SMOX: variants seen among roughly 807,000 people sequenced by gnomAD.
SMOX encodes the protein spermine oxidase.
SMOX carries 22 observed loss-of-function variants against 51.0 expected under a neutral mutation model. The ratio of observed to expected loss-of-function variants is 0.43; its 90% CI spans 0.31 to 0.62. The LOEUF is 0.62. Ranked by LOEUF, SMOX falls within the 20% of genes least tolerant of loss-of-function variation. The pLI is 0.10. For missense variants in SMOX, 566 were observed against 777.7 expected, an observed-to-expected ratio of 0.73 and a Z score of 3.24; for synonymous variants, 282 against 307.8, an observed-to-expected ratio of 0.92 and a Z score of 0.88.
chr20:4,161,984 G>A (rs6139337), intron 1 of SMOX, among the ~76,000 whole-genome samples: 13,546 of 152,114 alleles, frequency 0.089, 706 homozygotes, highest in South Asian at 0.21. Context: ...TCCCACTCAC[G>A]GCGGCAGCCA....
rs908000952 is a variant in SMOX at position 4,166,470 on chromosome 20, C to T, written c.-26-8560C>T. Among the ~76,000 whole-genome samples the T allele has an allele frequency of 6.6e-6, 1 of 152,164 alleles. No homozygotes were observed. Among genetic ancestry groups the T allele is most frequent in the Non-Finnish European group, 1.5e-5 (1 of 68,024 alleles). On this transcript the variant is annotated intron_variant, in intron 1 of 6. Coordinates refer to ENST00000305958, the MANE Select transcript of SMOX (RefSeq NM_175839.3). This position sits in a 1 kb window ranked among gnomAD's most constrained non-coding sequence, Gnocchi z 4.2. ...TGAAGCAATCCTCCTGCCTTGGCCTCCCAAAGTGCTGGAATTACAGGTGTG... is the reference window on the plus strand; with the variant it reads ...TGAAGCAATCCTCCTGCCTTGGCCTTCCAAAGTGCTGGAATTACAGGTGTG...
rs916099374 is a variant in SMOX, at chr20:4,177,255, G to T, written c.209-96G>T. 2.8e-6 allele frequency: 3 copies of T among 1,078,248 alleles called. No homozygotes were observed. Among genetic ancestry groups the T allele is most frequent in the Non-Finnish European group, 4.1e-6 (3 of 740,164 alleles). The allele number at this position is 1,078,248 out of a possible 1,614,324, so 66.8% of individuals were successfully genotyped here. On this transcript the variant is annotated intron_variant, in intron 2 of 6. Transcript: ENST00000305958. This position sits in a 1 kb window ranked among gnomAD's most constrained non-coding sequence, Gnocchi z 4.3. ...AAGCTCTTTCCTGCCCTGTTGTAGG[G>T]TGGAAAGACCCTCTTGGAGGAAGGA...
rs902671113 is a variant in SMOX, at chr20:4,181,428, G to T, written c.436-375G>T. Among the ~76,000 whole-genome samples, 2 of 152,202 alleles carry T rather than the reference G, an allele frequency of 1.3e-5. No homozygotes were observed. The highest frequency in any genetic ancestry group is 4.8e-5 in the African/African-American group (2 of 41,450). On this transcript the variant is annotated intron_variant, in intron 3 of 6. Transcript: ENST00000305958. This position sits in a 1 kb window ranked among gnomAD's most constrained non-coding sequence, Gnocchi z 5.6. ...AGTGCACGTATCGTTCTTGGAACAG[G>T]TAAATGTGTGCAAATGCCCATCCTC...
At chr20:4,151,828 C>T (rs942808578) in intron 1 of SMOX, among the ~76,000 whole-genome samples, 12 of 152,114 alleles carry the variant, frequency 7.9e-5, no homozygotes, top group South Asian at 2.1e-4. Flanking sequence ...TCTTAAGGGC[C>T]GGAACCTTGA....
chr20:4,149,887 G>A lies in SMOX; in HGVS notation c.-27+910G>A, dbSNP rs1219079471. ...GCAGTAGGTGCCCTGGGGTTACCGGGAGCGACGCGGGCCGGGGTGCCATGC... is the reference window on the plus strand; with the variant it reads ...GCAGTAGGTGCCCTGGGGTTACCGGAAGCGACGCGGGCCGGGGTGCCATGC... On this transcript the variant is annotated intron_variant, in intron 1 of 6. Transcript: ENST00000305958. This position sits in a 1 kb window ranked among gnomAD's most constrained non-coding sequence, Gnocchi z 6.0. Among the ~76,000 whole-genome samples, 1 of 152,058 alleles carries A rather than the reference G, an allele frequency of 6.6e-6. No individual in the cohort carries two copies. The highest frequency in any genetic ancestry group is 1.5e-5 in the Non-Finnish European group (1 of 67,990).
chr20:4,180,395 C>T (rs1398376247), intron 3 of SMOX, among the ~76,000 whole-genome samples: 3 of 152,168 alleles, frequency 2.0e-5, no homozygotes, highest in African/African-American at 7.2e-5. Context: ...GGGGACAGGG[C>T]AGACACCATT....
rs772579542 is a variant in SMOX at position 4,182,736 on chromosome 20, C to T, written c.1257C>T (p.Arg419=). ...CGFDVLYPPE[R]YGHVLSGWIC... ...TTGATGTCCTCTACCCGCCTGAGCG[C>T]TACGGCCATGTGCTGAGCGGCTGGA... The change falls in exon 5 of 7, where the codon CGC becomes CGT. Residue 419 remains arginine, a synonymous_variant. Coordinates refer to ENST00000305958, the MANE Select transcript of SMOX (RefSeq NM_175839.3). The surrounding 1 kb of genome is among the most constrained non-coding windows in gnomAD (Gnocchi z 8.4). 1 of 1,614,194 alleles carries T rather than the reference C, an allele frequency of 6.2e-7. No individual in the cohort carries two copies. The highest frequency in any genetic ancestry group is 8.5e-7 in the Non-Finnish European group (1 of 1,180,038).
At chr20:4,152,434 G>A (rs1985809124) in intron 1 of SMOX, among the ~76,000 whole-genome samples, 1 of 152,118 alleles carries the variant, frequency 6.6e-6, no homozygotes. Context: ...GTTAAATTGT[G>A]TGGCTGGTAC....
intron 1 of SMOX, among the ~76,000 whole-genome samples, chr20:4,152,203 G>A (rs1408387173): frequency 2.0e-5 from 3 of 152,180 alleles, no homozygotes; most frequent in Non-Finnish European, 4.4e-5. Context: ...TTCTTTGGTA[G>A]AAATGCAAGC....
chr20:4,177,254 G>C lies in SMOX; in HGVS notation c.209-97G>C. On this transcript the variant is annotated intron_variant, in intron 2 of 6. Transcript: ENST00000305958. This position sits in a 1 kb window ranked among gnomAD's most constrained non-coding sequence, Gnocchi z 4.3. Reference sequence around the variant, plus strand: ...CAAGCTCTTTCCTGCCCTGTTGTAGGGTGGAAAGACCCTCTTGGAGGAAGG... The same window carrying C: ...CAAGCTCTTTCCTGCCCTGTTGTAGCGTGGAAAGACCCTCTTGGAGGAAGG... The C allele has an allele frequency of 9.4e-7, 1 of 1,059,372 alleles. No individual in the cohort carries two copies. Among genetic ancestry groups the C allele is most frequent in the South Asian group, 1.5e-5 (1 of 65,072 alleles). The allele number at this position is 1,059,372 out of a possible 1,614,324, so 65.6% of individuals were successfully genotyped here.
rs1486461984 is a variant in SMOX at position 4,153,546 on chromosome 20, G to T, written c.-27+4569G>T. On this transcript the variant is annotated intron_variant, in intron 1 of 6. Transcript: ENST00000305958. The surrounding 1 kb of genome is among the most constrained non-coding windows in gnomAD (Gnocchi z 4.4). Reference sequence around the variant, plus strand: ...GGCCTCCCAGGGACCTGGCTGGCTGGCTGAGGAACGGTTTGCTGACCACAC... The same window carrying T: ...GGCCTCCCAGGGACCTGGCTGGCTGTCTGAGGAACGGTTTGCTGACCACAC... 6.6e-6 allele frequency among the ~76,000 whole-genome samples: 1 copy of T among 152,150 alleles called. No homozygotes were observed. The highest frequency in any genetic ancestry group is 1.5e-5 in the Non-Finnish European group (1 of 68,024).
At position 4,149,752 on chromosome 20, in the gene SMOX, C is replaced by G. The variant is rs76168434; in HGVS notation, c.-27+775C>G. ...GGGACTTGGCCCGATGAGATACGCT[C>G]GGTGCCCGGCACGTATAGTGAGAGG... On this transcript the variant is annotated intron_variant, in intron 1 of 6. Transcript: ENST00000305958. The surrounding 1 kb of genome is among the most constrained non-coding windows in gnomAD (Gnocchi z 6.0). Among the ~76,000 whole-genome samples, 14 of 152,256 alleles carry G rather than the reference C, an allele frequency of 9.2e-5. No homozygotes were observed. The East Asian group carries it at 2.7e-3, about 30-fold the overall frequency.
intron 1 of SMOX, among the ~76,000 whole-genome samples, chr20:4,165,831 G>T (rs1986548132): frequency 6.6e-6 from 1 of 152,202 alleles, no homozygotes; most frequent in African/African-American, 2.4e-5. Context: ...ATCTGGAGTG[G>T]CATAGTCCTC....
At chr20:4,184,990 G>A (rs1979625376) in intron 6 of SMOX, among the ~76,000 whole-genome samples, 1 of 152,202 alleles carries the variant, frequency 6.6e-6, no homozygotes, top group African/African-American at 2.4e-5. Flanking sequence ...TCTTAGGCTA[G>A]AAGGAAGAGG....
In SMOX at chr20:4,175,013, ACCT is replaced by A; in HGVS notation, c.-26-11_-26-9del. The A allele has an allele frequency of 6.2e-7, 1 of 1,608,742 alleles. No individual in the cohort carries two copies. The highest frequency in any genetic ancestry group is 8.5e-7 in the Non-Finnish European group (1 of 1,176,632). On this transcript the variant is annotated splice_polypyrimidine_tract_variant and intron_variant, in intron 1 of 6. Transcript: ENST00000305958. ...GAAGGCAGAGCCACTAAGCTGTGAC[ACCT>A]CCTCCCCCTGCAGGTTCCTAGAAGG...
Position 4,166,124 on chromosome 20 carries a change from G to A in SMOX, c.-26-8906G>A, listed in dbSNP as rs139233523. Among the ~76,000 whole-genome samples the A allele has an allele frequency of 6.6e-6, 1 of 151,314 alleles. No homozygotes were observed. The highest frequency in any genetic ancestry group is 1.5e-5 in the Non-Finnish European group (1 of 67,864). ...GCGCCTGATCTAATCTGTTGTCAGA[G>A]TGTGATCTATTGTCAGAGTGTGATC... is the stretch of plus-strand genomic sequence containing the variant. On this transcript the variant is annotated intron_variant, in intron 1 of 6. Transcript: ENST00000305958. This position sits in a 1 kb window ranked among gnomAD's most constrained non-coding sequence, Gnocchi z 4.2.
intron 1 of SMOX, among the ~76,000 whole-genome samples, chr20:4,158,252 A>G (rs1617572): frequency 0.57 from 86,370 of 151,864 alleles, 24,951 homozygotes; most frequent in African/African-American, 0.65. Flanking sequence ...GTGGGGCAAC[A>G]TTGGCCCTCC....
chr20:4,151,716 T>C lies in SMOX; in HGVS notation c.-27+2739T>C, dbSNP rs577431303. The stretch of plus-strand genomic sequence containing the variant: ...CAAATGCCTTCCCAGTCTTGGGAAG[T>C]CCCCCGTAATTAATCGTAGCACCTG... On this transcript the variant is annotated intron_variant, in intron 1 of 6. Transcript: ENST00000305958. Among the ~76,000 whole-genome samples the C allele has an allele frequency of 2.0e-5, 3 of 152,286 alleles. No homozygotes were observed. The South Asian group carries it at 6.2e-4, about 32-fold the overall frequency.
chr20:4,184,245 C>T (rs2122593094), intron 6 of SMOX, among the ~76,000 whole-genome samples: 1 of 151,914 alleles, frequency 6.6e-6, no homozygotes, highest in East Asian at 1.9e-4. Context: ...GTCCTCCCGC[C>T]TCAACCTCCT....
Sources: allele counts gnomAD v4.1 joint callset (sites outside exome capture counted in the v4.1 genomes callset), GRCh38; gene constraint gnomAD v4.1.1; non-coding constraint Gnocchi (gnomAD v3.1); transcripts MANE v1.5; gene names NCBI Gene and HGNC (gene_info 2026-07-23, HGNC 2026-07-21).